Variants in PLCE1 observed in about 807,000 individuals in gnomAD.
The protein encoded by PLCE1 is phospholipase C epsilon 1.
A neutral mutation model predicts 242.8 loss-of-function variants in PLCE1; 119 were observed. The observed-to-expected ratio is 0.49, with a 90% CI of 0.42 to 0.57. The LOEUF is 0.57. Ranked by LOEUF, PLCE1 falls within the 20% of genes least tolerant of loss-of-function variation. The pLI is 0.00. For missense variants in PLCE1, 2,441 were observed against 2,788.8 expected (o/e 0.88, Z 2.81); for synonymous variants, 945 against 1,017.4 (o/e 0.93, Z 1.35).
chr10:94,011,399 C>T (rs745858496), intron 1 of PLCE1, among the ~76,000 whole-genome samples: 5 of 152,132 alleles, frequency 3.3e-5, no homozygotes, highest in Admixed American at 2.0e-4. Context: ...TAGGCCCCAC[C>T]TCCAACATTG....
rs76652154 is a variant in PLCE1, at chr10:93,999,807, G to A, written c.-365+5549G>A. 8.6e-3 allele frequency among the ~76,000 whole-genome samples: 1,304 copies of A among 152,282 alleles called. 16 individuals carry two copies. The highest frequency in any genetic ancestry group is 0.03 in the African/African-American group (1,236 of 41,558). Reference sequence around the variant, plus strand: ...CATTCCTGACTCTTTGCTCCAGCCCGGAATTCCACCACCTCTGGGCCCTCC... The same window carrying A: ...CATTCCTGACTCTTTGCTCCAGCCCAGAATTCCACCACCTCTGGGCCCTCC... On this transcript the variant is annotated intron_variant, in intron 1 of 32. Transcript: ENST00000371380.
chr10:94,034,856 G>A (rs2061633638), intron 2 of PLCE1, among the ~76,000 whole-genome samples: 1 of 152,118 alleles, frequency 6.6e-6, no homozygotes. Context: ...TTTTGATCAG[G>A]ACATTTCAGG....
chr10:94,171,466 C>T lies in PLCE1; in HGVS notation c.1779C>T (p.Ala593=). The T allele has an allele frequency of 6.2e-7, 1 of 1,614,080 alleles. No homozygotes were observed. The highest frequency in any genetic ancestry group is 2.2e-5 in the East Asian group (1 of 44,890). Residue 593 remains alanine (A), a synonymous_variant, in exon 4 of 33, where the codon GCC becomes GCT. Coordinates refer to ENST00000371380, the MANE Select transcript of PLCE1 (RefSeq NM_016341.4). ...CCACTCAGAATGGAGAGCACAATGC[C>T]CTTGAAGATCTGGTGATGAGGTTTA... is the stretch of plus-strand genomic sequence containing the variant. ...ILTTQNGEHN[A]LEDLVMRFNE...
intron 2 of PLCE1, among the ~76,000 whole-genome samples, chr10:94,126,307 A>G (rs961744401): frequency 6.6e-6 from 1 of 152,230 alleles, no homozygotes; most frequent in Admixed American, 6.5e-5. Flanking sequence ...TAAAGCCTAC[A>G]TCTCTAAAAA....
intron 4 of PLCE1, among the ~76,000 whole-genome samples, chr10:94,202,543 C>T (rs2049017997): frequency 6.6e-6 from 1 of 152,138 alleles, no homozygotes; most frequent in African/African-American, 2.4e-5. Flanking sequence ...GGCTGCCAAC[C>T]ACATTTGTCA....
intron 2 of PLCE1, among the ~76,000 whole-genome samples, chr10:94,066,633 A>G (rs752094232): frequency 6.6e-6 from 1 of 152,124 alleles, no homozygotes; most frequent in Non-Finnish European, 1.5e-5. Context: ...TTAATGCACT[A>G]TTCCCATGCT....
chr10:94,093,237 C>T (rs2045146701), intron 2 of PLCE1, among the ~76,000 whole-genome samples: 1 of 152,196 alleles, frequency 6.6e-6, no homozygotes, highest in Non-Finnish European at 1.5e-5. Flanking sequence ...AAATTATAAT[C>T]TGTATGTAAA....
chr10:94,020,505 A>T (rs970878314), intron 1 of PLCE1, among the ~76,000 whole-genome samples: 2 of 151,918 alleles, frequency 1.3e-5, no homozygotes, highest in African/African-American at 2.4e-5. Flanking sequence ...CCATTTTTTT[A>T]TTCTGTGGTT....
intron 2 of PLCE1, among the ~76,000 whole-genome samples, chr10:94,094,501 T>C (rs1272338380): frequency 6.6e-6 from 1 of 152,152 alleles, no homozygotes; most frequent in African/African-American, 2.4e-5. Context: ...GGCTTCCTAA[T>C]GCAGACCTGG....
intron 2 of PLCE1, among the ~76,000 whole-genome samples, chr10:94,095,591 G>A (rs538361317): frequency 6.6e-6 from 1 of 152,180 alleles, no homozygotes; most frequent in Admixed American, 6.5e-5. Context: ...TAATAACAAT[G>A]ATTGACATTC....
rs781693565 is a variant in PLCE1 at position 94,031,802 on chromosome 10, G to T, written c.756G>T (p.Gln252His). The T allele has an allele frequency of 3.1e-6, 5 of 1,613,796 alleles. No individual in the cohort carries two copies. In the Admixed American group the frequency reaches 8.3e-5, roughly 27 times the overall value. ...GTGATAATAAGAATGAGCAGCTGCA[G>T]TGTGATCATTGTGACACCTTGAATG... ...KNCDNKNEQL[Q>H]CDHCDTLNDK... The change falls in exon 2 of 33, where the codon CAG becomes CAT. Residue 252 changes from glutamine (Q) to histidine (H), a missense_variant. This residue lies in a region of PLCE1 where 393 missense variants were observed against 378.5 expected (regional missense o/e 1.04). Coordinates refer to ENST00000371380, the MANE Select transcript of PLCE1 (RefSeq NM_016341.4).
Position 94,298,301 on chromosome 10 carries a change from G to C in PLCE1, c.5168-78G>C. 7.8e-7 allele frequency: 1 copy of C among 1,286,108 alleles called. No individual in the cohort carries two copies. The highest frequency in any genetic ancestry group is 1.1e-6 in the Non-Finnish European group (1 of 885,140). 79.7% of individuals were successfully genotyped at this position (1,286,108 alleles called of 1,614,324 possible). On this transcript the variant is annotated intron_variant, in intron 23 of 32. Coordinates refer to ENST00000371380, the MANE Select transcript of PLCE1 (RefSeq NM_016341.4). This position sits in a 1 kb window ranked among gnomAD's most constrained non-coding sequence, Gnocchi z 5.2. ...TTTATATGCTATGACTGTTTACTGG[G>C]ATGTTGTTCAGGTTTATCTTTCTAA...
At chr10:94,254,656 A>C (rs1404108515) in intron 10 of PLCE1, among the ~76,000 whole-genome samples, 2 of 152,114 alleles carry the variant, frequency 1.3e-5, no homozygotes, top group Non-Finnish European at 2.9e-5. Flanking sequence ...TCTGGCTGGG[A>C]CCTTGGGACC....
At position 94,235,911 on chromosome 10, in the gene PLCE1, G is replaced by A; in HGVS notation, c.2215-4G>A. On this transcript the variant is annotated splice_region_variant and splice_polypyrimidine_tract_variant and intron_variant, in intron 6 of 32. Transcript: ENST00000371380. ...AATAGCAAATTCTCGATTTTTTTTT[G>A]TAGTTTGTAGCAGATTACAGTGGAC... 1.9e-6 allele frequency: 3 copies of A among 1,609,350 alleles called. No individual in the cohort carries two copies. The highest frequency in any genetic ancestry group is 2.5e-6 in the Non-Finnish European group (3 of 1,176,964).
intron 28 of PLCE1, among the ~76,000 whole-genome samples, chr10:94,314,200 G>A (rs543773558): frequency 9.3e-4 from 141 of 152,304 alleles, no homozygotes; most frequent in Admixed American, 2.2e-3. Flanking sequence ...GCGAGGCAGG[G>A]CCCATGCGTA....
At chr10:94,282,752 C>T (rs2052286752) in intron 20 of PLCE1, among the ~76,000 whole-genome samples, 1 of 152,118 alleles carries the variant, frequency 6.6e-6, no homozygotes, top group South Asian at 2.1e-4. Context: ...TCTTAATTTT[C>T]TCCTTCCTTT....
intron 3 of PLCE1, among the ~76,000 whole-genome samples, chr10:94,159,638 T>C (rs2136198767): frequency 6.6e-6 from 1 of 152,326 alleles, no homozygotes; most frequent in Non-Finnish European, 1.5e-5. Context: ...TTAAATATGC[T>C]TTAAGTTTTA....
chr10:94,199,120 A>T (rs985701218), intron 4 of PLCE1, among the ~76,000 whole-genome samples: 2 of 152,202 alleles, frequency 1.3e-5, no homozygotes, highest in South Asian at 4.1e-4. Context: ...GTAGCATGTC[A>T]TTATATGAAT....
In PLCE1 at chr10:94,116,706, T is replaced by A. The variant is rs533516791; in HGVS notation, c.1207-15468T>A. Among the ~76,000 whole-genome samples the A allele has an allele frequency of 1.0e-3, 153 of 151,348 alleles. 1 individual carries two copies. In the South Asian group the frequency reaches 0.016, roughly 15 times the overall value. On this transcript the variant is annotated intron_variant, in intron 2 of 32. Transcript: ENST00000371380. The stretch of plus-strand genomic sequence containing the variant: ...TGAGACTCTGTCTCAAAAAAAAAAA[T>A]TTTTTTTAAGAATATTTGCAGGGTA...
Sources: gnomAD v4.1 joint callset for allele counts (sites outside exome capture counted in the v4.1 genomes callset) on GRCh38, gnomAD v4.1.1 for gene constraint, gnomAD v4.1.1 regional missense constraint, Gnocchi (gnomAD v3.1) non-coding constraint, MANE v1.5 for transcripts, NCBI Gene and HGNC (gene_info 2026-07-23, HGNC 2026-07-21) for gene names.